MAGI1: variants seen among roughly 807,000 people sequenced by gnomAD.
MAGI1 encodes the protein membrane-associated guanylate kinase, WW and PDZ domain-containing protein 1.
A neutral mutation model predicts 139.9 loss-of-function variants in MAGI1; 58 were observed. The observed-to-expected ratio is 0.41, with a 90% CI of 0.34 to 0.52. MAGI1 has a LOEUF of 0.52. Among genes scored for constraint, MAGI1 ranks in the 20% least tolerant of loss-of-function variants. The pLI is 0.12. For missense variants in MAGI1, 1,874 were observed against 1,901.6 expected, an observed-to-expected ratio of 0.99 and a Z score of 0.27; for synonymous variants, 812 against 737.9, an observed-to-expected ratio of 1.10 and a Z score of -1.63.
At chr3:65,471,913 C>T (rs146687511) in intron 4 of MAGI1, among the ~76,000 whole-genome samples, 1,838 of 152,152 alleles carry the variant, frequency 0.012, 14 homozygotes, top group Non-Finnish European at 0.02. Flanking sequence ...CTTGACATGA[C>T]CTGCCAGAGA....
chr3:65,691,233 G>A (rs1023050682), intron 1 of MAGI1, among the ~76,000 whole-genome samples: 3 of 150,288 alleles, frequency 2.0e-5, no homozygotes, highest in African/African-American at 7.3e-5. Context: ...AACCCGGGAG[G>A]AGGAGGTTGC....
intron 1 of MAGI1, among the ~76,000 whole-genome samples, chr3:65,842,237 C>T (rs1421149184): frequency 6.6e-6 from 1 of 152,090 alleles, no homozygotes; most frequent in East Asian, 1.9e-4. Flanking sequence ...CTTTTTGTAA[C>T]ACTAAAATTT....
Position 65,779,915 on chromosome 3 carries a change from CAAAG to C in MAGI1, c.314-157831_314-157828del, listed in dbSNP as rs377550530. On this transcript the variant is annotated intron_variant, in intron 1 of 22. Transcript: ENST00000402939. The stretch of plus-strand genomic sequence containing the variant: ...ACTATCATGAAAATAACAGCACTAA[CAAAG>C]AAAAAAAAATGACACTTGTAACACA... Among the ~76,000 whole-genome samples, 135 of 148,946 alleles carry C rather than the reference CAAAG, an allele frequency of 9.1e-4. 1 individual carries two copies. Among genetic ancestry groups the C allele is most frequent in the African/African-American group, 3.2e-3 (131 of 40,470 alleles).
chr3:65,405,958 C>T (rs1281083240), intron 12 of MAGI1, among the ~76,000 whole-genome samples: 2 of 152,126 alleles, frequency 1.3e-5, no homozygotes, highest in South Asian at 2.1e-4. Context: ...GAACTCCTGA[C>T]CTCATGATCC....
intron 13 of MAGI1, among the ~76,000 whole-genome samples, chr3:65,392,112 C>A (rs1464078954): frequency 3.3e-5 from 5 of 152,104 alleles, no homozygotes; most frequent in African/African-American, 1.2e-4. Context: ...CTCCAAAGTC[C>A]AAGTATTATA....
intron 1 of MAGI1, among the ~76,000 whole-genome samples, chr3:65,925,650 A>T (rs2062462060): frequency 6.6e-6 from 1 of 151,602 alleles, no homozygotes; most frequent in Non-Finnish European, 1.5e-5. Flanking sequence ...AAATAGTAAT[A>T]GCTCTCTCAT....
chr3:65,604,068 T>A (rs1232023586), intron 2 of MAGI1, among the ~76,000 whole-genome samples: 1 of 152,192 alleles, frequency 6.6e-6, no homozygotes, highest in Non-Finnish European at 1.5e-5. Context: ...TTTCACAATA[T>A]CAAAATTTCC....
intron 1 of MAGI1, among the ~76,000 whole-genome samples, chr3:65,946,623 A>C (rs1028945054): frequency 1.3e-5 from 2 of 152,088 alleles, no homozygotes; most frequent in African/African-American, 4.8e-5. Flanking sequence ...TCATCTGCCT[A>C]CAAGTAGGCC....
chr3:65,848,636 T>A (rs2059091302), intron 1 of MAGI1, among the ~76,000 whole-genome samples: 1 of 152,030 alleles, frequency 6.6e-6, no homozygotes, highest in African/African-American at 2.4e-5. Flanking sequence ...GGGAAGAAAC[T>A]GATTTTACAA....
chr3:65,888,313 T>A (rs2060610587), intron 1 of MAGI1, among the ~76,000 whole-genome samples: 1 of 152,098 alleles, frequency 6.6e-6, no homozygotes, highest in South Asian at 2.1e-4. Flanking sequence ...CAAGGAGAGG[T>A]TGAGAAAGGA....
Position 65,356,732 on chromosome 3 carries a change from C to T in MAGI1, c.4035G>A (p.Lys1345=). ...TCCGCTCCGGAGAGACGTCTCGTCT[C>T]TTCTCGTGCTTCTCCCTCCTCTCCA... ...NTLERREKHE[K]RRDVSPERRR... The change falls in exon 23 of 23, where the codon AAG becomes AAA. Residue 1345 remains lysine, a synonymous_variant. Coordinates refer to ENST00000402939, the MANE Select transcript of MAGI1 (RefSeq NM_001033057.2). 2 of 1,595,168 alleles carry T rather than the reference C, an allele frequency of 1.3e-6. No homozygotes were observed. Among genetic ancestry groups the T allele is most frequent in the Admixed American group, 3.5e-5 (2 of 57,948 alleles).
chr3:65,827,843 T>C (rs1269236290), intron 1 of MAGI1, among the ~76,000 whole-genome samples: 2 of 152,222 alleles, frequency 1.3e-5, no homozygotes, highest in Non-Finnish European at 2.9e-5. Context: ...ACATTTAAGT[T>C]ATTTTCCCAT....
At chr3:65,761,820 C>A (rs2037056497) in intron 1 of MAGI1, among the ~76,000 whole-genome samples, 2 of 152,216 alleles carry the variant, frequency 1.3e-5, no homozygotes, top group African/African-American at 4.8e-5. Flanking sequence ...TCTCCACCCT[C>A]CCTTCAAGGA....
chr3:65,680,267 G>A (rs191884834), intron 1 of MAGI1, among the ~76,000 whole-genome samples: 13 of 152,192 alleles, frequency 8.5e-5, no homozygotes, highest in African/African-American at 2.9e-4. Context: ...GCAGGTCTTC[G>A]ACAAGCTATA....
At chr3:65,546,752 G>T (rs964389051) in intron 2 of MAGI1, among the ~76,000 whole-genome samples, 1 of 151,998 alleles carries the variant, frequency 6.6e-6, no homozygotes, top group Non-Finnish European at 1.5e-5. Flanking sequence ...GTTAGGTGTG[G>T]TGTTAATTCT....
chr3:65,356,619 G>T lies in MAGI1; in HGVS notation c.4148C>A (p.Ser1383Tyr), dbSNP rs761636491. The T allele has an allele frequency of 3.8e-6, 6 of 1,592,970 alleles. No homozygotes were observed. In the Admixed American group the frequency reaches 5.4e-5, roughly 14 times the overall value. The part of the protein sequence containing the change: ...SLERLLEQRR[S>Y]PERRRGGSPE... ...CGAGCCCCCTCTCCTGCGCTCGGGG[G>T]ACCTCCTCTGCTCCAGGAGTCTCTC... The change falls in exon 23 of 23, where the codon TCC (serine) becomes TAC (tyrosine). Residue 1383 changes from serine to tyrosine, a missense_variant. Physicochemically the swap from Ser to Tyr is moderately radical, Grantham distance 144. Coordinates refer to ENST00000402939, the MANE Select transcript of MAGI1 (RefSeq NM_001033057.2).
intron 1 of MAGI1, among the ~76,000 whole-genome samples, chr3:65,869,236 A>T (rs2059836991): frequency 7.1e-6 from 1 of 140,890 alleles, no homozygotes. Flanking sequence ...AGCCTGGGTG[A>T]CAGAGCGAGA....
At chr3:66,029,098 T>C (rs1423048891) in intron 1 of MAGI1, among the ~76,000 whole-genome samples, 1 of 152,202 alleles carries the variant, frequency 6.6e-6, no homozygotes, top group African/African-American at 2.4e-5. Context: ...CACAAAGAGG[T>C]TCAGCATCTT....
At chr3:65,929,622 C>T (rs992140037) in intron 1 of MAGI1, among the ~76,000 whole-genome samples, 1 of 151,960 alleles carries the variant, frequency 6.6e-6, no homozygotes, top group East Asian at 1.9e-4. Context: ...CGTGAGCCAC[C>T]GCGCCCAGCC....
Sources: gnomAD v4.1 joint callset for allele counts (sites outside exome capture counted in the v4.1 genomes callset) on GRCh38, gnomAD v4.1.1 for gene constraint, MANE v1.5 for transcripts, NCBI Gene and HGNC (gene_info 2026-07-23, HGNC 2026-07-21) for gene names.